Variants in NRXN1 observed in about 807,000 individuals in gnomAD.
NRXN1 encodes neurexin-1.
A neutral mutation model predicts 150.9 loss-of-function variants in NRXN1; 39 were observed. That is an observed-to-expected ratio of 0.26 (90% confidence interval 0.20 to 0.34). The LOEUF (loss-of-function observed/expected upper bound fraction) is 0.34, where lower values mean the gene tolerates loss of function less well. Among genes scored for constraint, NRXN1 ranks in the 10% least tolerant of loss-of-function variants. NRXN1 has a pLI of 1.00. For synonymous variants in NRXN1, 924 were observed against 757.0 expected, an observed-to-expected ratio of 1.22 and a Z score of -3.62; for missense variants, 1,815 against 1,949.9, an observed-to-expected ratio of 0.93 and a Z score of 1.30.
At chr2:50,797,736 T>C (rs1707041222) in intron 5 of NRXN1, among the ~76,000 whole-genome samples, 1 of 152,168 alleles carries the variant, frequency 6.6e-6, no homozygotes, top group South Asian at 2.1e-4. Context: ...CAATGTCAGA[T>C]ACAGAGCAAG....
At position 50,768,917 on chromosome 2, in the gene NRXN1, C is replaced by CA. The variant is rs576023402; in HGVS notation, c.833-145303dup. On this transcript the variant is annotated intron_variant, in intron 5 of 22. Transcript: ENST00000401669. ...CCACGAACAACAACAACAACAACAA[C>CA]ACACACACACACACACACATACACA... Among the ~76,000 whole-genome samples, 939 of 149,000 alleles carry CA rather than the reference C, an allele frequency of 6.3e-3. 13 individuals are homozygous for CA. Among genetic ancestry groups the CA allele is most frequent in the Non-Finnish European group, 0.01 (673 of 67,006 alleles).
At chr2:50,840,894 T>C (rs1001011431) in intron 5 of NRXN1, among the ~76,000 whole-genome samples, 1 of 152,116 alleles carries the variant, frequency 6.6e-6, no homozygotes, top group African/African-American at 2.4e-5. Flanking sequence ...CAGAAGAAGA[T>C]GCCTTCACCT....
chr2:50,073,213 A>G (rs1284120560), intron 19 of NRXN1, among the ~76,000 whole-genome samples: 2 of 152,168 alleles, frequency 1.3e-5, no homozygotes, highest in Non-Finnish European at 2.9e-5. Context: ...GCCCCTTTAG[A>G]CTATTCCCTG....
At chr2:50,696,152 A>G (rs1692814089) in intron 5 of NRXN1, 1 of 150,498 alleles carries the variant, frequency 6.6e-6, no homozygotes, top group South Asian at 2.1e-4. Flanking sequence ...CGACTATGGA[A>G]ATTTTAAAAG....
intron 22 of NRXN1, among the ~76,000 whole-genome samples, chr2:49,930,250 G>A (rs1669884136): frequency 6.6e-6 from 1 of 152,082 alleles, no homozygotes; most frequent in African/African-American, 2.4e-5. Context: ...AAAAAGATGA[G>A]CGTATTTAAC....
intron 17 of NRXN1, among the ~76,000 whole-genome samples, chr2:50,281,148 CAA>C (rs70946898): frequency 0.026 from 2,752 of 107,114 alleles, 85 homozygotes; most frequent in African/African-American, 0.087. Flanking sequence ...ACTAAAAATA[CAA>C]AAAAAAAAAA....
chr2:50,646,101 G>C (rs1472540921), intron 5 of NRXN1, among the ~76,000 whole-genome samples: 1 of 152,072 alleles, frequency 6.6e-6, no homozygotes, highest in South Asian at 2.1e-4. Flanking sequence ...GATATATAGA[G>C]AGGCTGAGTC....
At chr2:50,695,987 C>G (rs767619108) in intron 5 of NRXN1, among the ~76,000 whole-genome samples, 1 of 151,862 alleles carries the variant, frequency 6.6e-6, no homozygotes, top group African/African-American at 2.4e-5. Flanking sequence ...GGATTACAGG[C>G]GCCCACCACC....
At chr2:50,895,356 T>C (rs1336247895) in intron 5 of NRXN1, among the ~76,000 whole-genome samples, 2 of 152,148 alleles carry the variant, frequency 1.3e-5, no homozygotes, top group Non-Finnish European at 2.9e-5. Flanking sequence ...ACATATTGGA[T>C]ATTTTTCCCC....
intron 21 of NRXN1, among the ~76,000 whole-genome samples, chr2:50,011,821 G>T (rs1051897526): frequency 6.6e-6 from 1 of 152,050 alleles, no homozygotes; most frequent in African/African-American, 2.4e-5. Flanking sequence ...TAGAAAATTG[G>T]AGATAGGTGG....
rs764343081 is a variant in NRXN1 at position 50,086,847 on chromosome 2, A to AGC, written c.3718+4475_3718+4476insGC. Among the ~76,000 whole-genome samples the AGC allele has an allele frequency of 2.4e-3, 355 of 150,796 alleles. 1 individual carries two copies. Among genetic ancestry groups the AGC allele is most frequent in the African/African-American group, 8.2e-3 (336 of 41,048 alleles). Reference sequence around the variant, plus strand: ...GAGAGAGAGAGAGAGAGAGAGAGAGAGAGCGAGCCGAAAATGCGGGCATGT... The same window carrying AGC: ...GAGAGAGAGAGAGAGAGAGAGAGAGAGCGAGCGAGCCGAAAATGCGGGCATGT... On this transcript the variant is annotated intron_variant, in intron 19 of 22. Transcript: ENST00000401669.
rs1206125053 is a variant in NRXN1, at chr2:50,265,996, TTATTTA to T, written c.3365-29032_3365-29027del. On this transcript the variant is annotated intron_variant, in intron 17 of 22. Coordinates refer to ENST00000401669, the MANE Select transcript of NRXN1 (RefSeq NM_001330078.2). ...ATTATTATTATTATTATTATTATTATTATTTATTTTTTTTTTTTTTGAGATAGAGTC... is the reference window on the plus strand; with the variant it reads ...ATTATTATTATTATTATTATTATTATTTTTTTTTTTTTTTGAGATAGAGTC... Among the ~76,000 whole-genome samples the T allele has an allele frequency of 5.6e-3, 375 of 66,530 alleles. 1 individual carries two copies. Among genetic ancestry groups the T allele is most frequent in the African/African-American group, 0.028 (303 of 10,760 alleles). 43.6% of individuals were successfully genotyped at this position (66,530 alleles called of 152,430 possible). A position where few individuals can be genotyped will look rare whatever the true frequency, so the allele number is the denominator to read the frequency against.
At chr2:50,436,995 A>G (rs181875821) in intron 17 of NRXN1, among the ~76,000 whole-genome samples, 86 of 152,290 alleles carry the variant, frequency 5.6e-4, no homozygotes, top group African/African-American at 2.0e-3. Context: ...CAAATTATTT[A>G]CTGCAGGTAG....
chr2:50,902,306 G>GA (rs1322969617), intron 5 of NRXN1, among the ~76,000 whole-genome samples: 5 of 146,446 alleles, frequency 3.4e-5, no homozygotes, highest in Admixed American at 6.8e-5. Context: ...ACACAAATTA[G>GA]AAAAAAAATA....
chr2:50,612,401 T>G (rs1678317168), intron 8 of NRXN1, among the ~76,000 whole-genome samples: 1 of 152,114 alleles, frequency 6.6e-6, no homozygotes, highest in Admixed American at 6.5e-5. Flanking sequence ...CTTCCATTAC[T>G]CCCTTTCTGA....
chr2:50,420,488 T>C (rs1257035799), intron 17 of NRXN1, among the ~76,000 whole-genome samples: 1 of 151,936 alleles, frequency 6.6e-6, no homozygotes, highest in Non-Finnish European at 1.5e-5. Flanking sequence ...ACTAAAGTTA[T>C]CATTGATTTT....
At chr2:50,895,178 A>G (rs1681730429) in intron 5 of NRXN1, among the ~76,000 whole-genome samples, 1 of 152,188 alleles carries the variant, frequency 6.6e-6, no homozygotes, top group African/African-American at 2.4e-5. Flanking sequence ...ACGCTGTAAG[A>G]GTAATTTATG....
intron 21 of NRXN1, among the ~76,000 whole-genome samples, chr2:50,048,373 T>G (rs1692166831): frequency 6.6e-6 from 1 of 152,136 alleles, no homozygotes; most frequent in African/African-American, 2.4e-5. Context: ...ACAGTGGTTA[T>G]CAGGAACATA....
At chr2:50,651,038 C>G (rs1437269798) in intron 5 of NRXN1, among the ~76,000 whole-genome samples, 1 of 151,972 alleles carries the variant, frequency 6.6e-6, no homozygotes, top group Non-Finnish European at 1.5e-5. Context: ...TTACCTGGCA[C>G]TCAGAATACT....
Sources: gnomAD v4.1 joint callset for allele counts (sites outside exome capture counted in the v4.1 genomes callset) on GRCh38, gnomAD v4.1.1 for gene constraint, MANE v1.5 for transcripts, NCBI Gene and HGNC (gene_info 2026-07-23, HGNC 2026-07-21) for gene names.